The following HSPB1 variants were observed in gnomAD, a reference collection of about 807,000 sequenced individuals.
The protein encoded by HSPB1 is heat shock protein beta-1.
Under a neutral mutation model 17.0 loss-of-function variants are expected in HSPB1, and 19 were observed. The ratio of observed to expected loss-of-function variants is 1.12; its 90% CI spans 0.78 to 1.64. The LOEUF (loss-of-function observed/expected upper bound fraction) is 1.64, where lower values mean the gene tolerates loss of function less well. HSPB1 is among the 40% of genes most tolerant of loss of function. The pLI is 0.00. For synonymous variants in HSPB1, 165 were observed against 129.8 expected, an observed-to-expected ratio of 1.27 and a Z score of -1.84; for missense variants, 348 against 289.2, an observed-to-expected ratio of 1.20 and a Z score of -1.47.
chr7:76,303,924 G>C, intron 2 of HSPB1, 59 bp downstream of exon 2: 1 of 1,610,430 alleles, frequency 6.2e-7, no homozygotes, highest in African/African-American at 1.3e-5. Flanking sequence ...TCAGGGAAGA[G>C]GGCACAGGGA....
intron 1 of HSPB1, 140 bp from the exon 2 acceptor site, chr7:76,303,662 C>T (rs1450122817): frequency 1.5e-6 from 1 of 669,192 alleles, no homozygotes; most frequent in African/African-American, 1.8e-5. Context: ...GGCGGGCACG[C>T]CCCCATCCCC....
intron 1 of HSPB1, chr7:76,303,498 C>T (rs1415252555): frequency 3.6e-6 from 2 of 550,582 alleles, no homozygotes; most frequent in Admixed American, 3.1e-5. Flanking sequence ...GCGGGGAGTT[C>T]CCTGGCGCGG....
rs766728475 is a variant in HSPB1 at position 76,303,840 on chromosome 7, T to G, written c.403T>G (p.Ser135Ala). The G allele has an allele frequency of 2.0e-6, 3 of 1,506,814 alleles. No individual in the cohort carries two copies. Among genetic ancestry groups the G allele is most frequent in the Non-Finnish European group, 2.7e-6 (3 of 1,121,540 alleles). The allele number at this position is 1,506,814 out of a possible 1,614,324, so 93.3% of individuals were successfully genotyped here. A position where few individuals can be genotyped will look rare whatever the true frequency, so the allele number is the denominator to read the frequency against. The change falls in exon 2 of 3, where the codon TCC (serine) becomes GCC (alanine). Residue 135 changes from serine (S) to alanine (A), a missense_variant. Ser to Ala is a moderately conservative substitution (Grantham distance 99, BLOSUM62 1). Coordinates refer to ENST00000248553, the MANE Select transcript of HSPB1 (RefSeq NM_001540.5). ...GCGGCAGGACGAGCATGGCTACATC[T>G]CCCGGTGCTTCACGCGGAAATACAC... is the stretch of plus-strand genomic sequence containing the variant. ...EERQDEHGYI[S>A]RCFTRKYTLP...
rs762968110 is a variant in HSPB1, at chr7:76,303,136, G to A, written c.364+60G>A. 33 of 1,492,750 alleles carry A rather than the reference G, an allele frequency of 2.2e-5. No individual in the cohort carries two copies. In the South Asian group the frequency reaches 3.4e-4, roughly 16 times the overall value. The allele number at this position is 1,492,750 out of a possible 1,614,324, so 92.5% of individuals were successfully genotyped here. On this transcript the variant is annotated intron_variant, in intron 1 of 2. Coordinates refer to ENST00000248553, the MANE Select transcript of HSPB1 (RefSeq NM_001540.5). The stretch of plus-strand genomic sequence containing the variant: ...GGCTAGCAGGGCGGGCAGGGCCGGG[G>A]GCGTGCGGTTGAAACGGGGGTCCCG...
Position 76,304,246 on chromosome 7 carries a change from A to G in HSPB1, c.*73A>G. The G allele has an allele frequency of 7.3e-7, 1 of 1,362,284 alleles. No homozygotes were observed. The highest frequency in any genetic ancestry group is 1.0e-6 in the Non-Finnish European group (1 of 971,746). The allele number at this position is 1,362,284 out of a possible 1,614,324, so 84.4% of individuals were successfully genotyped here. ...CCCCCGCCACCTGTGTGTTCTTTTG[A>G]TACATTTATCTTCTGTTTTTCTCAA... On this transcript the variant is annotated 3_prime_UTR_variant, in exon 3 of 3. Coordinates refer to ENST00000248553, the MANE Select transcript of HSPB1 (RefSeq NM_001540.5).
At position 76,303,820 on chromosome 7, in the gene HSPB1, A is replaced by G. The variant is rs558882005; in HGVS notation, c.383A>G (p.Gln128Arg). 5.5e-5 allele frequency: 86 copies of G among 1,573,300 alleles called. No homozygotes were observed. Among genetic ancestry groups the G allele is most frequent in the South Asian group, 1.1e-4 (10 of 90,148 alleles). The stretch of plus-strand genomic sequence containing the variant: ...CCCAAAGGCAAGCACGAGGAGCGGC[A>G]GGACGAGCATGGCTACATCTCCCGG... ...VEITGKHEER[Q>R]DEHGYISRCF... The change falls in exon 2 of 3, where the codon CAG (glutamine) becomes CGG (arginine). Residue 128 changes from glutamine to arginine, a missense_variant. By Grantham distance (43) the Gln-to-Arg change is conservative. Coordinates refer to ENST00000248553, the MANE Select transcript of HSPB1 (RefSeq NM_001540.5).
In HSPB1 at chr7:76,303,001, G is replaced by A; in HGVS notation, c.289G>A (p.Val97Met). 6.5e-7 allele frequency: 1 copy of A among 1,543,830 alleles called. No homozygotes were observed. Among genetic ancestry groups the A allele is most frequent in the Non-Finnish European group, 8.7e-7 (1 of 1,149,960 alleles). The change falls in exon 1 of 3, where the codon GTG (valine) becomes ATG (methionine). Residue 97 changes from valine to methionine, a missense_variant. By Grantham distance (21) the Val-to-Met change is conservative. Coordinates refer to ENST00000248553, the MANE Select transcript of HSPB1 (RefSeq NM_001540.5). ...EIRHTADRWR[V>M]SLDVNHFAPD... ...CCGGCACACTGCGGACCGCTGGCGCGTGTCCCTGGATGTCAACCACTTCGC... is the reference window on the plus strand; with the variant it reads ...CCGGCACACTGCGGACCGCTGGCGCATGTCCCTGGATGTCAACCACTTCGC...
chr7:76,304,015 T>G lies in HSPB1; in HGVS notation c.460T>G (p.Ser154Ala), dbSNP rs1158758405. 1 of 1,613,808 alleles carries G rather than the reference T, an allele frequency of 6.2e-7. No individual in the cohort carries two copies. The highest frequency in any genetic ancestry group is 8.5e-7 in the Non-Finnish European group (1 of 1,179,998). The change falls in exon 3 of 3, where the codon TCC (serine) becomes GCC (alanine). Residue 154 changes from serine to alanine, a missense_variant. Transcript: ENST00000248553. The part of the protein sequence containing the change: ...LPPGVDPTQV[S>A]SSLSPEGTLT... ...CCCCGGTGTGGACCCCACCCAAGTT[T>G]CCTCCTCCCTGTCCCCTGAGGGCAC...
chr7:76,303,467 C>A, intron 1 of HSPB1: 1 of 548,406 alleles, frequency 1.8e-6, no homozygotes, highest in South Asian at 2.3e-5. Flanking sequence ...CCTTCCCACC[C>A]ACAGCCCCAT....
chr7:76,302,982 C>T lies in HSPB1; in HGVS notation c.270C>T (p.His90=), dbSNP rs1316418226. Residue 90 remains histidine, a synonymous_variant, in exon 1 of 3, where the codon CAC becomes CAT. Transcript: ENST00000248553. ...QLSSGVSEIR[H]TADRWRVSLD... ...GCAGCGGGGTCTCGGAGATCCGGCA[C>T]ACTGCGGACCGCTGGCGCGTGTCCC... 4 of 1,543,394 alleles carry T rather than the reference C, an allele frequency of 2.6e-6. No homozygotes were observed. Among genetic ancestry groups the T allele is most frequent in the South Asian group, 2.4e-5 (2 of 84,976 alleles).
intron 1 of HSPB1, 130 bp downstream of exon 1, chr7:76,303,206 G>A (rs1803036384): frequency 1.8e-6 from 2 of 1,118,966 alleles, no homozygotes; most frequent in South Asian, 1.5e-5. Flanking sequence ...GGAAAAACAG[G>A]ACTCCTGATT....
Position 76,302,843 on chromosome 7 carries a change from A to G in HSPB1, c.131A>G (p.Gln44Arg). Residue 44 changes from glutamine (Q) to arginine (R), a missense_variant, in exon 1 of 3, where the codon CAG (glutamine) becomes CGG (arginine). Physicochemically the swap from Gln to Arg is conservative, Grantham distance 43. Coordinates refer to ENST00000248553, the MANE Select transcript of HSPB1 (RefSeq NM_001540.5). ...CCCCGGCTGCCGGAGGAGTGGTCGC[A>G]GTGGTTAGGCGGCAGCAGCTGGCCA... ...GLPRLPEEWS[Q>R]WLGGSSWPGY... 1 of 1,600,416 alleles carries G rather than the reference A, an allele frequency of 6.2e-7. No individual in the cohort carries two copies. The highest frequency in any genetic ancestry group is 2.2e-5 in the East Asian group (1 of 44,524).
At chr7:76,303,314 G>A (rs1583965251) in intron 1 of HSPB1, 2 of 561,272 alleles carry the variant, frequency 3.6e-6, no homozygotes, top group African/African-American at 3.9e-5. Flanking sequence ...GATCGCTTGA[G>A]GCCAGGAGTT....
rs745321786 is a variant in HSPB1, at chr7:76,302,853, C to G, written c.141C>G (p.Gly47=). 1 of 1,594,076 alleles carries G rather than the reference C, an allele frequency of 6.3e-7. No individual in the cohort carries two copies. Among genetic ancestry groups the G allele is most frequent in the Non-Finnish European group, 8.5e-7 (1 of 1,174,256 alleles). Residue 47 remains glycine, a synonymous_variant, in exon 1 of 3, where the codon GGC becomes GGG. Coordinates refer to ENST00000248553, the MANE Select transcript of HSPB1 (RefSeq NM_001540.5). Reference sequence around the variant, plus strand: ...CGGAGGAGTGGTCGCAGTGGTTAGGCGGCAGCAGCTGGCCAGGCTACGTGC... The same window carrying G: ...CGGAGGAGTGGTCGCAGTGGTTAGGGGGCAGCAGCTGGCCAGGCTACGTGC... ...RLPEEWSQWL[G]GSSWPGYVRP... is the part of the protein sequence containing the mutation.
rs764071304 is a variant in HSPB1, at chr7:76,302,841, G to A, written c.129G>A (p.Ser43=). Reference sequence around the variant, plus strand: ...TGCCCCGGCTGCCGGAGGAGTGGTCGCAGTGGTTAGGCGGCAGCAGCTGGC... The same window carrying A: ...TGCCCCGGCTGCCGGAGGAGTGGTCACAGTGGTTAGGCGGCAGCAGCTGGC... The part of the protein sequence containing the change: ...FGLPRLPEEW[S]QWLGGSSWPG... Residue 43 remains serine, a synonymous_variant, in exon 1 of 3, where the codon TCG becomes TCA. Transcript: ENST00000248553. 1.2e-5 allele frequency: 20 copies of A among 1,600,624 alleles called. No homozygotes were observed. The highest frequency in any genetic ancestry group is 1.7e-4 in the Middle Eastern group (1 of 5,734).
rs11769502 is a variant in HSPB1 at position 76,303,742 on chromosome 7, C to T, written c.365-60C>T. 19,128 of 1,510,014 alleles carry T rather than the reference C, an allele frequency of 0.013. 165 individuals are homozygous for T. Among genetic ancestry groups the T allele is most frequent in the Non-Finnish European group, 0.015 (16,478 of 1,087,692 alleles). 93.5% of individuals were successfully genotyped at this position (1,510,014 alleles called of 1,614,324 possible). ...CCAAGCAGGAGGTGGGGCCTCTGGC[C>T]TAGCGGGGCCGAAAGGCAGTCCCCT... On this transcript the variant is annotated intron_variant, in intron 1 of 2. Coordinates refer to ENST00000248553, the MANE Select transcript of HSPB1 (RefSeq NM_001540.5).
At chr7:76,303,390 A>G in intron 1 of HSPB1, 1 of 491,054 alleles carries the variant, frequency 2.0e-6, no homozygotes, top group Non-Finnish European at 3.6e-6. Context: ...ATTACAAAAA[A>G]AAAGCAAACA....
intron 1 of HSPB1, chr7:76,303,366 C>T: frequency 1.9e-6 from 1 of 516,752 alleles, no homozygotes; most frequent in East Asian, 3.2e-5. Flanking sequence ...GCCCCCCCGC[C>T]CCGACCCCGC....
chr7:76,302,854 G>A lies in HSPB1; in HGVS notation c.142G>A (p.Gly48Ser), dbSNP rs546699221. 2.0e-5 allele frequency: 32 copies of A among 1,591,718 alleles called. No homozygotes were observed. Among genetic ancestry groups the A allele is most frequent in the East Asian group, 6.8e-5 (3 of 44,074 alleles). ...GGAGGAGTGGTCGCAGTGGTTAGGC[G>A]GCAGCAGCTGGCCAGGCTACGTGCG... ...LPEEWSQWLG[G>S]SSWPGYVRPL... Residue 48 changes from glycine to serine, a missense_variant, in exon 1 of 3, where the codon GGC becomes AGC. Coordinates refer to ENST00000248553, the MANE Select transcript of HSPB1 (RefSeq NM_001540.5).
Sources: gnomAD v4.1 joint callset for allele counts on GRCh38, gnomAD v4.1.1 for gene constraint, MANE v1.5 for transcripts, NCBI Gene and HGNC (gene_info 2026-07-23, HGNC 2026-07-21) for gene names.